Variants in FRMPD4 observed in about 807,000 individuals in gnomAD.
The protein encoded by FRMPD4 is FERM and PDZ domain containing 4, also known as FERM and PDZ domain-containing protein 4.
Under a neutral mutation model 94.1 loss-of-function variants are expected in FRMPD4, and 22 were observed. That is an observed-to-expected ratio of 0.23 (90% confidence interval 0.17 to 0.33). The LOEUF is 0.33. Among genes scored for constraint, FRMPD4 ranks in the 10% least tolerant of loss-of-function variants. The pLI is 1.00. For missense variants in FRMPD4, 1,111 were observed against 1,339.9 expected (o/e 0.83, Z 2.67); for synonymous variants, 631 against 548.6 (o/e 1.15, Z -2.10).
intron 1 of FRMPD4, among the ~76,000 whole-genome samples, chrX:11,838,655 C>T (rs1441179300): frequency 9.0e-6 from 1 of 111,192 alleles, no homozygotes; most frequent in African/African-American, 3.3e-5. Context: ...ACTTCTGCTG[C>T]CACGAGGCCC....
At chrX:12,479,437 C>CATATATGT (rs2057650377) in intron 1 of FRMPD4, among the ~76,000 whole-genome samples, 2 of 24,662 alleles carry the variant, frequency 8.1e-5, no homozygotes, top group African/African-American at 1.1e-4. Flanking sequence ...TATATATACA[C>CATATATGT]ACATATATGT....
intron 3 of FRMPD4, among the ~76,000 whole-genome samples, chrX:12,126,961 C>G: frequency 8.9e-6 from 1 of 112,039 alleles, no homozygotes; most frequent in East Asian, 2.8e-4. Context: ...ACTGCCCCTA[C>G]AAGTCTTTGT....
In FRMPD4 at chrX:12,718,226, C is replaced by T. The variant is rs768838591; in HGVS notation, c.3400C>T (p.Pro1134Ser). The T allele has an allele frequency of 3.3e-6, 4 of 1,209,822 alleles. No homozygotes were observed. In the South Asian group the frequency reaches 7.0e-5, roughly 21 times the overall value. The change falls in exon 16 of 17, where the codon CCT becomes TCT. Residue 1134 changes from proline to serine, a missense_variant. Coordinates refer to ENST00000675598, the MANE Select transcript of FRMPD4 (RefSeq NM_001368397.1). ...REAEGKEEGAPDGETSDGSGL... is the reference protein window; with the variant it reads ...REAEGKEEGASDGETSDGSGL... ...GGCCGAAGGGAAGGAAGAAGGAGCT[C>T]CTGATGGAGAAACCAGTGATGGCTC... is the stretch of plus-strand genomic sequence containing the variant.
intron 6 of FRMPD4, 127 bp from the exon 7 acceptor site, chrX:12,685,970 G>C: frequency 2.9e-6 from 1 of 349,767 alleles, no homozygotes; most frequent in Non-Finnish European, 5.1e-6. Context: ...GGAATGCCTT[G>C]TTGGCCTTAG....
At chrX:12,009,492 C>T (rs1334550440) in intron 3 of FRMPD4, among the ~76,000 whole-genome samples, 1 of 111,944 alleles carries the variant, frequency 8.9e-6, no homozygotes, top group Non-Finnish European at 1.9e-5. Context: ...AACAAATGTC[C>T]TGTTATTATT....
chrX:12,079,292 GC>G (rs774900054), intron 3 of FRMPD4, among the ~76,000 whole-genome samples: 148 of 109,488 alleles, frequency 1.4e-3, no homozygotes, highest in African/African-American at 4.7e-3. Context: ...ATTCTCCACC[GC>G]CGCCCCCTCC....
At chrX:11,958,929 G>A (rs1209163567) in intron 3 of FRMPD4, among the ~76,000 whole-genome samples, 1 of 111,817 alleles carries the variant, frequency 8.9e-6, no homozygotes, top group African/African-American at 3.3e-5. Flanking sequence ...TCTACAAAAA[G>A]CCAACATAGG....
chrX:12,157,123 A>G (rs1227994430), intron 1 of FRMPD4, among the ~76,000 whole-genome samples: 1 of 112,120 alleles, frequency 8.9e-6, no homozygotes, highest in Non-Finnish European at 1.9e-5. Context: ...GTGTGCATGC[A>G]CCCACATGCA....
intron 1 of FRMPD4, among the ~76,000 whole-genome samples, chrX:12,479,933 TCTC>T (rs1167343416): frequency 9.1e-6 from 1 of 110,202 alleles, no homozygotes; most frequent in Non-Finnish European, 1.9e-5. Flanking sequence ...AGTAGCCTAA[TCTC>T]CTTGGGAGAT....
At chrX:11,949,841 C>A (rs928495864) in intron 3 of FRMPD4, among the ~76,000 whole-genome samples, 7 of 111,626 alleles carry the variant, frequency 6.3e-5, no homozygotes, top group African/African-American at 2.3e-4. Flanking sequence ...TTTAGACTCC[C>A]AGAAGGTGCT....
chrX:12,623,156 GAGAAAGAAAGAAAGAA>G (rs1168696316), intron 4 of FRMPD4, among the ~76,000 whole-genome samples: 3 of 747 alleles, frequency 4.0e-3, no homozygotes, highest in African/African-American at 8.4e-3. Context: ...AAGAAAGAAA[GAGAAAGAAAGAAAGAA>G]AGAAAGAAAG....
At chrX:12,098,157 T>C (rs1019260025) in intron 3 of FRMPD4, among the ~76,000 whole-genome samples, 2 of 111,773 alleles carry the variant, frequency 1.8e-5, no homozygotes, top group East Asian at 2.8e-4. Flanking sequence ...CCTTTCATTA[T>C]ATATTTCAGG....
rs760393644 is a variant in FRMPD4, at chrX:12,347,876, CAGAT to C, written c.42-150802_42-150799del. ...GTTGTGTTGTATTATTATATACATACAGATATTTTATATTTCATTATTATTGCAA... is the reference window on the plus strand; with the variant it reads ...GTTGTGTTGTATTATTATATACATACATTTTATATTTCATTATTATTGCAA... On this transcript the variant is annotated intron_variant, in intron 1 of 16. Transcript: ENST00000675598. Among the ~76,000 whole-genome samples the C allele has an allele frequency of 2.7e-5, 3 of 111,283 alleles. No individual in the cohort carries two copies. In the South Asian group the frequency reaches 1.1e-3, roughly 42 times the overall value.
intron 1 of FRMPD4, among the ~76,000 whole-genome samples, chrX:12,247,715 A>T (rs2053975659): frequency 8.9e-6 from 1 of 111,981 alleles, no homozygotes. Flanking sequence ...AAATTTGTTA[A>T]ACAAAATTGA....
At chrX:12,092,248 G>T (rs904034606) in intron 3 of FRMPD4, among the ~76,000 whole-genome samples, 19 of 111,585 alleles carry the variant, frequency 1.7e-4, no homozygotes, top group African/African-American at 5.5e-4. Flanking sequence ...CACCAGTTAT[G>T]CTAGGAGAGA....
At chrX:12,282,699 A>G (rs1372018554) in intron 1 of FRMPD4, among the ~76,000 whole-genome samples, 2 of 112,257 alleles carry the variant, frequency 1.8e-5, no homozygotes, top group African/African-American at 3.2e-5. Context: ...CTACAAACCC[A>G]AAGGAAATTA....
chrX:12,335,587 A>G lies in FRMPD4; in HGVS notation c.42-163093A>G, dbSNP rs372399331. 3.8e-4 allele frequency among the ~76,000 whole-genome samples: 42 copies of G among 111,360 alleles called. 2 individuals are homozygous for G. In the East Asian group the frequency reaches 5.9e-3, roughly 16 times the overall value. On this transcript the variant is annotated intron_variant, in intron 1 of 16. Coordinates refer to ENST00000675598, the MANE Select transcript of FRMPD4 (RefSeq NM_001368397.1). ...TGCGTCTAGCCTACTCCCATTTTCCAGGGCCATTTCTCTCCCCACTGAGAT... is the reference window on the plus strand; with the variant it reads ...TGCGTCTAGCCTACTCCCATTTTCCGGGGCCATTTCTCTCCCCACTGAGAT...
chrX:12,542,535 T>G (rs1271375376), intron 2 of FRMPD4, among the ~76,000 whole-genome samples: 1 of 111,969 alleles, frequency 8.9e-6, no homozygotes, highest in Non-Finnish European at 1.9e-5. Context: ...TTACAAGGGA[T>G]GTGAAGAACC....
intron 3 of FRMPD4, among the ~76,000 whole-genome samples, chrX:12,110,341 C>A (rs1487569972): frequency 2.7e-5 from 3 of 112,186 alleles, no homozygotes; most frequent in African/African-American, 9.7e-5. Flanking sequence ...TCAATAGATG[C>A]AGAAAACGTC....
Sources: gnomAD v4.1 joint callset for allele counts (sites outside exome capture counted in the v4.1 genomes callset) on GRCh38, gnomAD v4.1.1 for gene constraint, MANE v1.5 for transcripts, NCBI Gene and HGNC (gene_info 2026-07-23, HGNC 2026-07-21) for gene names.